The following GNB3 variants were observed in gnomAD, a reference collection of about 807,000 sequenced individuals.
GNB3 encodes the protein G protein subunit beta 3, also known as guanine nucleotide-binding protein G(I)/G(S)/G(T) subunit beta-3.
GNB3 carries 33 observed loss-of-function variants against 41.2 expected under a neutral mutation model. That is an observed-to-expected ratio of 0.80 (90% CI 0.61 to 1.07). The LOEUF is 1.07. GNB3 is among the 50% of genes least tolerant of loss of function. The pLI, the probability that GNB3 is intolerant of heterozygous loss-of-function variation, is 0.00. For synonymous variants in GNB3, 172 were observed against 173.4 expected, an observed-to-expected ratio of 0.99 and a Z score of 0.06; for missense variants, 409 against 455.3, an observed-to-expected ratio of 0.90 and a Z score of 0.92.
chr12:6,841,320 G>C lies in GNB3; in HGVS notation c.33G>C (p.Ala11=). The C allele has an allele frequency of 6.2e-7, 1 of 1,613,584 alleles. No homozygotes were observed. Among genetic ancestry groups the C allele is most frequent in the Non-Finnish European group, 8.5e-7 (1 of 1,179,750 alleles). MGEMEQLRQE[A]EQLKKQIADA... ...AGATGGAGCAACTGCGTCAGGAAGC[G>C]GAGCAGCTCAAGAAGCAGATTGCAG... The change falls in exon 2 of 10, where the codon GCG becomes GCC. Residue 11 remains alanine (A), a synonymous_variant. Coordinates refer to ENST00000229264, the MANE Select transcript of GNB3 (RefSeq NM_002075.4).
intron 8 of GNB3, 104 bp from the exon 9 acceptor site, chr12:6,845,482 G>C: frequency 1.4e-6 from 1 of 735,208 alleles, no homozygotes; most frequent in South Asian, 1.6e-5. Flanking sequence ...GGGAGGCTGA[G>C]AGCAGCGGCT....
rs781982415 is a variant in GNB3 at position 6,843,136 on chromosome 12, A to C, written c.204-38A>C. On this transcript the variant is annotated intron_variant, in intron 4 of 9. Coordinates refer to ENST00000229264, the MANE Select transcript of GNB3 (RefSeq NM_002075.4). The surrounding 1 kb of genome is among the most constrained non-coding windows in gnomAD (Gnocchi z 5.9). Reference sequence around the variant, plus strand: ...GAGAGCGGGAGTGAGGAAGGCGGGAAGGGGAGGCTTGCATGATATGGGATG... The same window carrying C: ...GAGAGCGGGAGTGAGGAAGGCGGGACGGGGAGGCTTGCATGATATGGGATG... 6.2e-7 allele frequency: 1 copy of C among 1,607,282 alleles called. No individual in the cohort carries two copies. Among genetic ancestry groups the C allele is most frequent in the Non-Finnish European group, 8.5e-7 (1 of 1,173,854 alleles).
At chr12:6,845,832 C>T (rs1555124573) in intron 9 of GNB3, 30 bp downstream of exon 9, 5 of 1,522,704 alleles carry the variant, frequency 3.3e-6, no homozygotes, top group Non-Finnish European at 4.6e-6. Flanking sequence ...GCTGCTTCCT[C>T]AGCTGGAAGG....
In GNB3 at chr12:6,846,938, T is replaced by C. The variant is rs1174732618; in HGVS notation, c.*40T>C. The C allele has an allele frequency of 8.7e-7, 1 of 1,154,476 alleles. No homozygotes were observed. The highest frequency in any genetic ancestry group is 2.0e-5 in the Admixed American group (1 of 50,670). The allele number at this position is 1,154,476 out of a possible 1,614,324, so 71.5% of individuals were successfully genotyped here. A position where few individuals can be genotyped will look rare whatever the true frequency, so the allele number is the denominator to read the frequency against. Reference sequence around the variant, plus strand: ...GGGAAGTGGAAGGCAGTGAACACACTCAGCAGCCCCCTGCCCGACCCCATC... The same window carrying C: ...GGGAAGTGGAAGGCAGTGAACACACCCAGCAGCCCCCTGCCCGACCCCATC... On this transcript the variant is annotated 3_prime_UTR_variant, in exon 10 of 10. Coordinates refer to ENST00000229264, the MANE Select transcript of GNB3 (RefSeq NM_002075.4).
At position 6,843,927 on chromosome 12, in the gene GNB3, G is replaced by C; in HGVS notation, c.648G>C (p.Gly216=). 6.2e-7 allele frequency: 1 copy of C among 1,613,870 alleles called. No homozygotes were observed. The highest frequency in any genetic ancestry group is 8.5e-7 in the Non-Finnish European group (1 of 1,179,940). ...ASAKLWDVRE[G]TCRQTFTGHE... ...CCAAGCTCTGGGATGTGCGAGAGGG[G>C]ACCTGCCGTCAGACTTTCACTGGCC... Residue 216 remains glycine (G), a synonymous_variant, in exon 8 of 10, where the codon GGG becomes GGC. Coordinates refer to ENST00000229264, the MANE Select transcript of GNB3 (RefSeq NM_002075.4). This position sits in a 1 kb window ranked among gnomAD's most constrained non-coding sequence, Gnocchi z 5.9.
rs143563585 is a variant in GNB3 at position 6,843,117 on chromosome 12, G to A, written c.203+41G>A. 17,735 of 1,603,978 alleles carry A rather than the reference G, an allele frequency of 0.011. 139 individuals carry two copies. The highest frequency in any genetic ancestry group is 0.023 in the Middle Eastern group (136 of 6,036). ...GAACCGAGAATGGGAGGGTGAGAGCGGGAGTGAGGAAGGCGGGAAGGGGAG... is the reference window on the plus strand; with the variant it reads ...GAACCGAGAATGGGAGGGTGAGAGCAGGAGTGAGGAAGGCGGGAAGGGGAG... On this transcript the variant is annotated intron_variant, in intron 4 of 9. Transcript: ENST00000229264. The surrounding 1 kb of genome is among the most constrained non-coding windows in gnomAD (Gnocchi z 5.9).
intron 9 of GNB3, chr12:6,846,466 TTCTC>T (rs1362323447): frequency 1.2e-5 from 3 of 249,418 alleles, no homozygotes; most frequent in African/African-American, 2.2e-5. Flanking sequence ...CTTCCAGCCT[TTCTC>T]TGTCTGATCC....
At chr12:6,846,111 G>A in intron 9 of GNB3, 1 of 363,468 alleles carries the variant, frequency 2.8e-6, no homozygotes, top group Non-Finnish European at 5.1e-6. Flanking sequence ...CCACTGAGAG[G>A]CAAGACAGCC....
In GNB3 at chr12:6,843,050, C is replaced by G. The variant is rs146702158; in HGVS notation, c.177C>G (p.Tyr59Ter). The change falls in exon 4 of 10, where the codon TAC becomes TAG. Residue 59 changes from tyrosine to a stop codon, truncating the protein, a stop_gained. Coordinates refer to ENST00000229264, the MANE Select transcript of GNB3 (RefSeq NM_002075.4). LOFTEE classifies it high-confidence loss of function. This position sits in a 1 kb window ranked among gnomAD's most constrained non-coding sequence, Gnocchi z 5.9. ...RTLRGHLAKI[Y>*]AMHWATDSKL... is the part of the protein sequence containing the mutation. ...TAAGGGGACACCTGGCCAAGATTTA[C>G]GCCATGCACTGGGCCACTGATTCTA... The G allele has an allele frequency of 6.3e-7, 1 of 1,592,126 alleles. No homozygotes were observed. Among genetic ancestry groups the G allele is most frequent in the Admixed American group, 1.7e-5 (1 of 59,168 alleles).
intron 3 of GNB3, chr12:6,842,051 C>T: frequency 2.9e-6 from 1 of 344,046 alleles, no homozygotes; most frequent in Non-Finnish European, 5.6e-6. Flanking sequence ...GAATTGACAG[C>T]ATCTTTTCTT....
At position 6,841,515 on chromosome 12, in the gene GNB3, C is replaced by G. The variant is rs781937681; in HGVS notation, c.58-71C>G. ...CAAGCCCCAGAGCCCCAAGACCAAC[C>G]TGCCCTGAAGGCCCATGCACCTGCC... On this transcript the variant is annotated intron_variant, in intron 2 of 9. Transcript: ENST00000229264. 3.3e-5 allele frequency: 45 copies of G among 1,364,640 alleles called. No homozygotes were observed. The African/African-American group carries it at 6.3e-4, about 19-fold the overall frequency. 84.5% of individuals were successfully genotyped at this position (1,364,640 alleles called of 1,614,324 possible).
chr12:6,847,115 C>T lies in GNB3; in HGVS notation c.*217C>T. 1 of 544,604 alleles carries T rather than the reference C, an allele frequency of 1.8e-6. No homozygotes were observed. Among genetic ancestry groups the T allele is most frequent in the Non-Finnish European group, 3.3e-6 (1 of 301,466 alleles). The allele number at this position is 544,604 out of a possible 1,614,324, so 33.7% of individuals were successfully genotyped here. On this transcript the variant is annotated 3_prime_UTR_variant, in exon 10 of 10. Transcript: ENST00000229264. ...CCCATCTCCTCCCATGGCCTTCCCT[C>T]CCCACAGTCCTCACAGCCTCTCCCT...
At chr12:6,841,718 G>C in intron 3 of GNB3, 94 bp downstream of exon 3, 5 of 887,440 alleles carry the variant, frequency 5.6e-6, no homozygotes, top group Non-Finnish European at 9.3e-6. Context: ...CATTAGTACA[G>C]CACGTCCTTG....
Position 6,843,687 on chromosome 12 carries a change from G to A in GNB3, c.486G>A (p.Gly162=). The stretch of plus-strand genomic sequence containing the variant: ...ACAACAATATTGTGACCAGCTCGGG[G>A]GACACCACGTGGTGAGGCTGAACAT... ...LDDNNIVTSS[G]DTTCALWDIE... The change falls in exon 7 of 10, where the codon GGG becomes GGA. Residue 162 remains glycine, a synonymous_variant. Transcript: ENST00000229264. This position sits in a 1 kb window ranked among gnomAD's most constrained non-coding sequence, Gnocchi z 5.9. 6.2e-7 allele frequency: 1 copy of A among 1,614,176 alleles called. No individual in the cohort carries two copies. Among genetic ancestry groups the A allele is most frequent in the Non-Finnish European group, 8.5e-7 (1 of 1,179,986 alleles).
chr12:6,840,954 G>C lies in GNB3; in HGVS notation c.-110G>C. 2 of 375,838 alleles carry C rather than the reference G, an allele frequency of 5.3e-6. No homozygotes were observed. 23.3% of individuals were successfully genotyped at this position (375,838 alleles called of 1,614,324 possible). ...GAGCCTGGGCAGGTGACGGGCGGGC[G>C]CGGGCGTCGCAGCTGAGGGAGTAAG... On this transcript the variant is annotated 5_prime_UTR_variant, in exon 1 of 10. Transcript: ENST00000229264.
chr12:6,841,456 A>T (rs963843562), intron 2 of GNB3, 112 bp downstream of exon 2: 34 of 1,179,680 alleles, frequency 2.9e-5, no homozygotes, highest in Non-Finnish European at 3.9e-5. Context: ...GTGACCAGGG[A>T]CTTTCTAAAC....
chr12:6,843,109 G>A lies in GNB3; in HGVS notation c.203+33G>A. On this transcript the variant is annotated intron_variant, in intron 4 of 9. Transcript: ENST00000229264. The surrounding 1 kb of genome is among the most constrained non-coding windows in gnomAD (Gnocchi z 5.9). ...TTGGGGGGGAACCGAGAATGGGAGG[G>A]TGAGAGCGGGAGTGAGGAAGGCGGG... The A allele has an allele frequency of 6.2e-7, 1 of 1,602,418 alleles. No homozygotes were observed. The highest frequency in any genetic ancestry group is 8.5e-7 in the Non-Finnish European group (1 of 1,169,624).
Position 6,840,935 on chromosome 12 carries a change from G to T in GNB3, c.-129G>T. 1 of 332,698 alleles carries T rather than the reference G, an allele frequency of 3.0e-6. No individual in the cohort carries two copies. The highest frequency in any genetic ancestry group is 5.6e-6 in the Non-Finnish European group (1 of 177,958). The allele number at this position is 332,698 out of a possible 1,614,324, so 20.6% of individuals were successfully genotyped here. ...GCCAGCTCCTCTGGCAGCAGAGCCTGGGCAGGTGACGGGCGGGCGCGGGCG... is the reference window on the plus strand; with the variant it reads ...GCCAGCTCCTCTGGCAGCAGAGCCTTGGCAGGTGACGGGCGGGCGCGGGCG... On this transcript the variant is annotated 5_prime_UTR_variant, in exon 1 of 10. Coordinates refer to ENST00000229264, the MANE Select transcript of GNB3 (RefSeq NM_002075.4).
chr12:6,845,801 G>A lies in GNB3; in HGVS notation c.915G>A (p.Val305=), dbSNP rs1943683117. The A allele has an allele frequency of 1.9e-6, 3 of 1,610,062 alleles. No homozygotes were observed. Among genetic ancestry groups the A allele is most frequent in the Non-Finnish European group, 2.6e-6 (3 of 1,176,364 alleles). Residue 305 remains valine (V), a splice_region_variant and synonymous_variant, in exon 9 of 10, where the codon GTG becomes GTA. Transcript: ENST00000229264. ...GGGACTCCATGAAGTCTGAGCGTGT[G>A]GGTAAGGGCCAGCCCTGGCTGCTGC... ...NVWDSMKSER[V]GILSGHDNRV...
Sources: allele counts gnomAD v4.1 joint callset, GRCh38; gene constraint gnomAD v4.1.1; non-coding constraint Gnocchi (gnomAD v3.1); transcripts MANE v1.5; gene names NCBI Gene and HGNC (gene_info 2026-07-23, HGNC 2026-07-21).